The following OIP5 variants were observed in gnomAD, a reference collection of about 807,000 sequenced individuals.
The protein encoded by OIP5 is protein Mis18-beta.
In OIP5, 24 loss-of-function variants were observed where a neutral mutation model predicts 20.3. The ratio of observed to expected loss-of-function variants is 1.18; its 90% confidence interval spans 0.86 to 1.66. The LOEUF (loss-of-function observed/expected upper bound fraction) is 1.66. OIP5 is among the 40% of genes most tolerant of loss of function. The probability of loss-of-function intolerance (pLI) is 0.00; values close to 1 mark genes in which losing one functional copy is unlikely to be tolerated. For synonymous variants in OIP5, 143 were observed against 121.3 expected, an observed-to-expected ratio of 1.18 and a Z score of -1.17; for missense variants, 339 against 289.5, an observed-to-expected ratio of 1.17 and a Z score of -1.24.
At chr15:41,323,212 C>T (rs1054523565) in intron 2 of OIP5, among the ~76,000 whole-genome samples, 9 of 152,070 alleles carry the variant, frequency 5.9e-5, no homozygotes, top group African/African-American at 1.9e-4. Flanking sequence ...AATTTCCATT[C>T]GGGCGCAATG....
chr15:41,311,196 G>A (rs2047751650), intron 4 of OIP5, among the ~76,000 whole-genome samples: 1 of 152,140 alleles, frequency 6.6e-6, no homozygotes, highest in South Asian at 2.1e-4. Flanking sequence ...TTTTAGCAGA[G>A]ATGGTAAAAC....
intron 2 of OIP5, among the ~76,000 whole-genome samples, chr15:41,321,595 C>T (rs1471471025): frequency 1.3e-5 from 2 of 152,074 alleles, no homozygotes; most frequent in Non-Finnish European, 2.9e-5. Context: ...ATTCTTCTGC[C>T]TTGGGATCCT....
intron 2 of OIP5, among the ~76,000 whole-genome samples, chr15:41,324,524 T>C (rs748086000): frequency 1.8e-4 from 27 of 152,220 alleles, no homozygotes; most frequent in Non-Finnish European, 2.2e-4. Flanking sequence ...AGTTTCGCTC[T>C]TGTTGCCCAA....
intron 2 of OIP5, among the ~76,000 whole-genome samples, chr15:41,328,626 T>C (rs1473814981): frequency 6.6e-6 from 1 of 152,206 alleles, no homozygotes; most frequent in African/African-American, 2.4e-5. Context: ...TAACCTTGTA[T>C]CTGTCTACTT....
intron 2 of OIP5, among the ~76,000 whole-genome samples, chr15:41,324,650 C>T (rs1001419775): frequency 4.6e-5 from 7 of 152,130 alleles, no homozygotes; most frequent in South Asian, 2.1e-4. Context: ...CCACCATGCC[C>T]GGCTAATTTT....
chr15:41,323,354 G>A (rs1434009532), intron 2 of OIP5, among the ~76,000 whole-genome samples: 1 of 152,046 alleles, frequency 6.6e-6, no homozygotes, highest in East Asian at 1.9e-4. Context: ...GTTTCCAGAA[G>A]GTTTTTGATT....
intron 2 of OIP5, among the ~76,000 whole-genome samples, chr15:41,328,074 C>T (rs1479423934): frequency 6.6e-6 from 1 of 152,148 alleles, no homozygotes; most frequent in Non-Finnish European, 1.5e-5. Flanking sequence ...CAGACTCCAT[C>T]TCAAAAAATA....
intron 2 of OIP5, among the ~76,000 whole-genome samples, chr15:41,323,500 T>G (rs1232744821): frequency 6.6e-6 from 1 of 152,112 alleles, no homozygotes; most frequent in Non-Finnish European, 1.5e-5. Context: ...TGAAGCTTTT[T>G]TTTCTTTTTC....
rs750961300 is a variant in OIP5, at chr15:41,332,507, C to T, written c.55G>A (p.Asp19Asn). ...GCCCTCTCAGTGCCACCACAAAAGT[C>T]CCCCCGGGGCGGCGTTGCACAACGT... is the stretch of plus-strand genomic sequence containing the variant. The part of the protein sequence containing the change: ...RSRCATPPRG[D>N]FCGGTERAID... Residue 19 changes from aspartate (D) to asparagine (N), a missense_variant, in exon 1 of 5, where the codon GAC becomes AAC. Asp to Asn is a conservative substitution (Grantham distance 23). Coordinates refer to ENST00000220514, the MANE Select transcript of OIP5 (RefSeq NM_007280.2). 6 of 1,613,346 alleles carry T rather than the reference C, an allele frequency of 3.7e-6. No homozygotes were observed. The Admixed American group carries it at 1.0e-4, about 27-fold the overall frequency.
chr15:41,320,402 C>T (rs1410712846), intron 2 of OIP5, among the ~76,000 whole-genome samples: 2 of 148,914 alleles, frequency 1.3e-5, no homozygotes, highest in African/African-American at 2.4e-5. Context: ...CTCAGCCTGC[C>T]GAGTGCCTGC....
intron 3 of OIP5, among the ~76,000 whole-genome samples, chr15:41,318,315 C>T (rs2047801222): frequency 6.6e-6 from 1 of 152,132 alleles, no homozygotes; most frequent in East Asian, 1.9e-4. Context: ...GCGTGTGCCA[C>T]CACACTTGGC....
At position 41,309,451 on chromosome 15, in the gene OIP5, T is replaced by C. The variant is rs2047740366; in HGVS notation, c.*303A>G. ...ATGCAACTTTAGATCAGAGGACACA[T>C]GGGACTCTGCATCTTAATTCCTAAA... On this transcript the variant is annotated 3_prime_UTR_variant, in exon 5 of 5. Transcript: ENST00000220514. The C allele has an allele frequency of 8.8e-6, 2 of 226,544 alleles. No homozygotes were observed. Among genetic ancestry groups the C allele is most frequent in the South Asian group, 7.4e-5 (1 of 13,560 alleles). 14.0% of individuals were successfully genotyped at this position (226,544 alleles called of 1,614,324 possible).
At chr15:41,318,959 T>G (rs1048581758) in intron 3 of OIP5, among the ~76,000 whole-genome samples, 3 of 151,944 alleles carry the variant, frequency 2.0e-5, no homozygotes, top group Non-Finnish European at 4.4e-5. Context: ...CACCTTGGCC[T>G]CACAAAGCAT....
At chr15:41,313,643 G>A (rs942650779) in intron 3 of OIP5, among the ~76,000 whole-genome samples, 2 of 151,724 alleles carry the variant, frequency 1.3e-5, no homozygotes, top group Admixed American at 6.6e-5. Flanking sequence ...CAACAACTTT[G>A]TAAATTTCCT....
chr15:41,327,327 G>A (rs1012296498), intron 2 of OIP5, among the ~76,000 whole-genome samples: 4 of 151,686 alleles, frequency 2.6e-5, no homozygotes, highest in South Asian at 2.1e-4. Flanking sequence ...GATTACAGGC[G>A]CCCACCACCA....
In OIP5 at chr15:41,313,282, CT is replaced by C; in HGVS notation, c.584del (p.Lys195ArgfsTer5). 6.3e-7 allele frequency: 1 copy of C among 1,595,354 alleles called. No individual in the cohort carries two copies. Among genetic ancestry groups the C allele is most frequent in the Non-Finnish European group, 8.6e-7 (1 of 1,167,104 alleles). On this transcript the variant is annotated frameshift_variant, in exon 4 of 5. Transcript: ENST00000220514. LOFTEE classifies it low-confidence loss of function (END_TRUNC). ...CATCATGAAATTTTACCTCTGCAAT[CT>C]TTTCTGATAGAGGAACATTTTGAAT... ...MDIQNVPLSE[K>X]IAELKEKIVL... is the part of the protein sequence containing the mutation.
At chr15:41,321,478 G>C (rs541110682) in intron 2 of OIP5, among the ~76,000 whole-genome samples, 6,027 of 152,316 alleles carry the variant, frequency 0.04, 239 homozygotes, top group African/African-American at 0.1. Flanking sequence ...TTGTGGAATA[G>C]AAAAGGGGGA....
chr15:41,314,744 G>T (rs1017495781), intron 3 of OIP5, among the ~76,000 whole-genome samples: 4 of 151,028 alleles, frequency 2.6e-5, no homozygotes, highest in African/African-American at 9.7e-5. Context: ...CAATTCTTCT[G>T]CCTCAGCCTC....
chr15:41,320,257 C>T (rs888403650), intron 2 of OIP5, among the ~76,000 whole-genome samples: 1 of 151,968 alleles, frequency 6.6e-6, no homozygotes, highest in Non-Finnish European at 1.5e-5. Context: ...AAAAAATGCG[C>T]CCTCTCCCTC....
Sources: allele counts gnomAD v4.1 joint callset (sites outside exome capture counted in the v4.1 genomes callset), GRCh38; gene constraint gnomAD v4.1.1; transcripts MANE v1.5; gene names NCBI Gene and HGNC (gene_info 2026-07-23, HGNC 2026-07-21).